The following GPD1L variants were observed in gnomAD, a reference collection of about 807,000 sequenced individuals.
GPD1L encodes the protein glycerol-3-phosphate dehydrogenase 1-like protein.
In GPD1L, 17 loss-of-function variants were observed where a neutral mutation model predicts 32.9. That is an observed-to-expected ratio of 0.52 (90% CI 0.35 to 0.78). GPD1L has a LOEUF of 0.78. Ranked by LOEUF, GPD1L falls within the 30% of genes least tolerant of loss-of-function variation. The probability of loss-of-function intolerance (pLI) is 0.01; values close to 1 mark genes in which losing one functional copy is unlikely to be tolerated. For synonymous variants in GPD1L, 187 were observed against 165.9 expected, an observed-to-expected ratio of 1.13 and a Z score of -0.98; for missense variants, 361 against 447.8, an observed-to-expected ratio of 0.81 and a Z score of 1.75.
chr3:32,137,555 G>A (rs78648233), intron 2 of GPD1L, among the ~76,000 whole-genome samples: 3 of 152,268 alleles, frequency 2.0e-5, no homozygotes, highest in South Asian at 2.1e-4. Context: ...CATGGTACAC[G>A]TAGCTGCAAG....
rs544680946 is a variant in GPD1L, at chr3:32,166,566, C to T, written c.*656C>T. 1 of 153,240 alleles carries T rather than the reference C, an allele frequency of 6.5e-6. No homozygotes were observed. Among genetic ancestry groups the T allele is most frequent in the Non-Finnish European group, 1.5e-5 (1 of 68,806 alleles). 9.5% of individuals were successfully genotyped at this position (153,240 alleles called of 1,614,324 possible). A position where few individuals can be genotyped will look rare whatever the true frequency, so the allele number is the denominator to read the frequency against. On this transcript the variant is annotated 3_prime_UTR_variant, in exon 8 of 8. Coordinates refer to ENST00000282541, the MANE Select transcript of GPD1L (RefSeq NM_015141.4). The stretch of plus-strand genomic sequence containing the variant: ...TGCCTTCGTCAAGGCTCAGAGGTAA[C>T]AAGACAGAAAATTCATCTGGGATTT...
intron 3 of GPD1L, 145 bp downstream of exon 3, chr3:32,138,872 T>A (rs2125485376): frequency 3.7e-6 from 3 of 820,470 alleles, no homozygotes; most frequent in Admixed American, 4.1e-5. Context: ...TCAAAAGTCA[T>A]AAAAAAAATA....
At chr3:32,153,612 T>C (rs2125494887) in intron 5 of GPD1L, among the ~76,000 whole-genome samples, 1 of 152,306 alleles carries the variant, frequency 6.6e-6, no homozygotes. Context: ...ACCTTGCCTT[T>C]AGTAATCCCA....
rs1700541066 is a variant in GPD1L at position 32,128,271 on chromosome 3, A to G, written c.225+18A>G. 6.2e-6 allele frequency: 10 copies of G among 1,604,488 alleles called. No individual in the cohort carries two copies. The highest frequency in any genetic ancestry group is 1.3e-5 in the African/African-American group (1 of 74,790). ...AAAATGTGGTAAGACTTTGGGGTGAAATGTACATTGGTTCATTCTGCAAGT... is the reference window on the plus strand; with the variant it reads ...AAAATGTGGTAAGACTTTGGGGTGAGATGTACATTGGTTCATTCTGCAAGT... On this transcript the variant is annotated intron_variant, in intron 2 of 7. Coordinates refer to ENST00000282541, the MANE Select transcript of GPD1L (RefSeq NM_015141.4).
At chr3:32,117,970 A>G (rs533306457) in intron 1 of GPD1L, among the ~76,000 whole-genome samples, 40 of 152,304 alleles carry the variant, frequency 2.6e-4, no homozygotes, top group African/African-American at 7.7e-4. Context: ...ATGGATAGCC[A>G]TTTTTGTACA....
intron 1 of GPD1L, among the ~76,000 whole-genome samples, chr3:32,122,877 T>C (rs1209732731): frequency 6.6e-6 from 1 of 152,218 alleles, no homozygotes; most frequent in Non-Finnish European, 1.5e-5. Flanking sequence ...TATTATTTGA[T>C]TGCTATTCTT....
At chr3:32,156,857 T>C (rs981123011) in intron 5 of GPD1L, among the ~76,000 whole-genome samples, 3 of 152,248 alleles carry the variant, frequency 2.0e-5, no homozygotes, top group Admixed American at 2.0e-4. Flanking sequence ...TCTTTCACTA[T>C]AAAACTTGGT....
rs73824554 is a variant in GPD1L, at chr3:32,159,171, T to G, written c.852+62T>G. The G allele has an allele frequency of 8.9e-6, 11 of 1,240,134 alleles. No individual in the cohort carries two copies. In the African/African-American group the frequency reaches 1.6e-4, roughly 18 times the overall value. The allele number at this position is 1,240,134 out of a possible 1,614,324, so 76.8% of individuals were successfully genotyped here. ...CTCACTTGAGACTCCTGGCTTGGGG[T>G]GAACTGCAGCCCAGTGGAGATTTCA... On this transcript the variant is annotated intron_variant, in intron 6 of 7. Coordinates refer to ENST00000282541, the MANE Select transcript of GPD1L (RefSeq NM_015141.4).
chr3:32,141,809 T>C (rs554520179), intron 4 of GPD1L, among the ~76,000 whole-genome samples: 4 of 152,282 alleles, frequency 2.6e-5, no homozygotes. Flanking sequence ...TTGCAACTTT[T>C]ATTTTAGATT....
intron 5 of GPD1L, among the ~76,000 whole-genome samples, chr3:32,152,929 C>A (rs1380775911): frequency 6.6e-6 from 1 of 151,956 alleles, no homozygotes; most frequent in East Asian, 1.9e-4. Context: ...CACTTGGCTT[C>A]ATCTCAGTGG....
chr3:32,128,713 A>T (rs1700547249), intron 2 of GPD1L, among the ~76,000 whole-genome samples: 1 of 152,304 alleles, frequency 6.6e-6, no homozygotes, highest in African/African-American at 2.4e-5. Context: ...CTGTTTCCAG[A>T]TACAGTCACA....
intron 1 of GPD1L, among the ~76,000 whole-genome samples, chr3:32,108,482 A>G (rs1380090601): frequency 6.6e-6 from 1 of 152,224 alleles, no homozygotes; most frequent in Non-Finnish European, 1.5e-5. Context: ...ATCGTACTCT[A>G]GTCTGTGTGA....
chr3:32,159,481 G>GAA, intron 6 of GPD1L, 87 bp from the exon 7 acceptor site: 8 of 716,730 alleles, frequency 1.1e-5, no homozygotes, highest in Non-Finnish European at 1.6e-5. Context: ...AAAAAAAAAA[G>GAA]AAAAAAAACA....
intron 5 of GPD1L, among the ~76,000 whole-genome samples, chr3:32,155,752 C>G (rs1700979747): frequency 6.6e-6 from 1 of 152,140 alleles, no homozygotes; most frequent in African/African-American, 2.4e-5. Flanking sequence ...ACAATTGCAC[C>G]AACTTTCCTG....
intron 1 of GPD1L, among the ~76,000 whole-genome samples, chr3:32,120,396 G>C (rs1256386450): frequency 6.6e-6 from 1 of 152,154 alleles, no homozygotes; most frequent in African/African-American, 2.4e-5. Context: ...ATTTGACAGT[G>C]TTCATATAGA....
At chr3:32,139,300 A>G (rs1024902910) in intron 3 of GPD1L, among the ~76,000 whole-genome samples, 3 of 152,196 alleles carry the variant, frequency 2.0e-5, no homozygotes, top group African/African-American at 7.2e-5. Context: ...TAGGAGTCGC[A>G]GGGCTTTCAT....
chr3:32,148,408 G>T (rs1341475855), intron 5 of GPD1L, among the ~76,000 whole-genome samples: 1 of 152,182 alleles, frequency 6.6e-6, no homozygotes, highest in Non-Finnish European at 1.5e-5. Context: ...GATGGAAAGG[G>T]ATTCATGGGG....
rs77521169 is a variant in GPD1L, at chr3:32,129,613, C to T, written c.225+1360C>T. ...TCAGATTGATTCCTGGTGGACGCAT[C>T]CCTGAGCATGCCGAATCTGTTGCCT... On this transcript the variant is annotated intron_variant, in intron 2 of 7. Transcript: ENST00000282541. Among the ~76,000 whole-genome samples, 3,774 of 152,248 alleles carry T rather than the reference C, an allele frequency of 0.025. 311 individuals are homozygous for T. In the East Asian group the frequency reaches 0.27, roughly 11 times the overall value.
chr3:32,121,634 T>TATATATA, intron 1 of GPD1L, among the ~76,000 whole-genome samples: 1 of 136,186 alleles, frequency 7.3e-6, no homozygotes, highest in African/African-American at 2.9e-5. Flanking sequence ...TTATATATAT[T>TATATATA]TCTATATATA....
Sources: gnomAD v4.1 joint callset for allele counts (sites outside exome capture counted in the v4.1 genomes callset) on GRCh38, gnomAD v4.1.1 for gene constraint, MANE v1.5 for transcripts, NCBI Gene and HGNC (gene_info 2026-07-23, HGNC 2026-07-21) for gene names.